The following FGF2 variants were observed in gnomAD, a reference collection of about 807,000 sequenced individuals.
The protein encoded by FGF2 is basic fibroblast growth factor bFGF.
Under a neutral mutation model 15.9 loss-of-function variants are expected in FGF2, and 13 were observed. The observed-to-expected ratio is 0.82, with a 90% CI of 0.53 to 1.30. FGF2 has a LOEUF of 1.30. Ranked by LOEUF, FGF2 falls within the 50% of genes most tolerant of loss-of-function variation. FGF2 has a pLI of 0.00. For synonymous variants in FGF2, 90 were observed against 78.4 expected (o/e 1.15, Z -0.78); for missense variants, 163 against 196.9 (o/e 0.83, Z 1.03).
chr4:122,826,902 C>T lies in FGF2; in HGVS notation c.-273C>T, dbSNP rs756631593. 6.6e-7 allele frequency: 1 copy of T among 1,507,502 alleles called. No individual in the cohort carries two copies. Among genetic ancestry groups the T allele is most frequent in the Non-Finnish European group, 8.8e-7 (1 of 1,130,000 alleles). 93.4% of individuals were successfully genotyped at this position (1,507,502 alleles called of 1,614,324 possible). ...CGCTGCAGCTTGGGAGGCGGCTCTC[C>T]CCAGGCGGCGTCCGCGGAGACACCC... On this transcript the variant is annotated 5_prime_UTR_variant, in exon 1 of 3. Transcript: ENST00000644866.
At position 122,894,958 on chromosome 4, in the gene FGF2, C is replaced by G. The variant is rs1449259178; in HGVS notation, c.*2562C>G. 1 of 152,104 alleles carries G rather than the reference C, an allele frequency of 6.6e-6. No individual in the cohort carries two copies. The highest frequency in any genetic ancestry group is 1.5e-5 in the Non-Finnish European group (1 of 68,028). 9.4% of individuals were successfully genotyped at this position (152,104 alleles called of 1,614,324 possible). A position where few individuals can be genotyped will look rare whatever the true frequency, so the allele number is the denominator to read the frequency against. ...CTCATGATCTATGCTGTTTCTATGTCGTGGAAGCACTGGATGGGGGTAGTG... is the reference window on the plus strand; with the variant it reads ...CTCATGATCTATGCTGTTTCTATGTGGTGGAAGCACTGGATGGGGGTAGTG... On this transcript the variant is annotated 3_prime_UTR_variant, in exon 3 of 3. Transcript: ENST00000644866.
In FGF2 at chr4:122,892,667, T is replaced by C; in HGVS notation, c.*271T>C. On this transcript the variant is annotated 3_prime_UTR_variant, in exon 3 of 3. Coordinates refer to ENST00000644866, the MANE Select transcript of FGF2 (RefSeq NM_001361665.2). The stretch of plus-strand genomic sequence containing the variant: ...GATCTTTTTCACGCATTTGCTTTAT[T>C]CGAAAAGAGGCTTTTAAAATGTGCA... The C allele has an allele frequency of 7.2e-7, 1 of 1,389,718 alleles. No homozygotes were observed. The allele number at this position is 1,389,718 out of a possible 1,614,324, so 86.1% of individuals were successfully genotyped here.
At chr4:122,852,466 C>T (rs1050247164) in intron 1 of FGF2, among the ~76,000 whole-genome samples, 1 of 152,190 alleles carries the variant, frequency 6.6e-6, no homozygotes, top group African/African-American at 2.4e-5. Context: ...AATGTCACAT[C>T]AGTCAACATG....
intron 1 of FGF2, among the ~76,000 whole-genome samples, chr4:122,837,489 A>G (rs1262792213): frequency 6.6e-6 from 1 of 152,190 alleles, no homozygotes; most frequent in East Asian, 1.9e-4. Context: ...CCTGCTATAT[A>G]TCTTTTAATC....
At chr4:122,885,096 C>G (rs1386225846) in intron 2 of FGF2, among the ~76,000 whole-genome samples, 1 of 152,186 alleles carries the variant, frequency 6.6e-6, no homozygotes, top group Non-Finnish European at 1.5e-5. Flanking sequence ...GTCATCTGGT[C>G]TATTTTCCTT....
intron 1 of FGF2, among the ~76,000 whole-genome samples, chr4:122,853,900 G>A (rs143299741): frequency 9.2e-5 from 14 of 152,326 alleles, no homozygotes; most frequent in African/African-American, 3.4e-4. Context: ...AATGGAGAGA[G>A]ATGCAGAATG....
At chr4:122,843,141 A>G (rs1185926622) in intron 1 of FGF2, among the ~76,000 whole-genome samples, 2 of 152,202 alleles carry the variant, frequency 1.3e-5, no homozygotes, top group South Asian at 4.1e-4. Context: ...GGTGTTTTCC[A>G]TGGGACAGTG....
chr4:122,884,824 G>C (rs981442068), intron 2 of FGF2: 4 of 152,348 alleles, frequency 2.6e-5, no homozygotes, highest in African/African-American at 9.7e-5. Flanking sequence ...GGAGGTGCTG[G>C]GGGGATGTGA....
intron 2 of FGF2, among the ~76,000 whole-genome samples, chr4:122,877,603 C>A (rs996733628): frequency 3.9e-5 from 6 of 152,194 alleles, no homozygotes; most frequent in Admixed American, 3.9e-4. Flanking sequence ...AGACAGATCT[C>A]ATTCCTGTCT....
rs1725661913 is a variant in FGF2 at position 122,827,271 on chromosome 4, T to C, written c.97T>C (p.Tyr33His). 1 of 1,612,614 alleles carries C rather than the reference T, an allele frequency of 6.2e-7. No individual in the cohort carries two copies. Among genetic ancestry groups the C allele is most frequent in the Non-Finnish European group, 8.5e-7 (1 of 1,179,840 alleles). The change falls in exon 1 of 3, where the codon TAC (tyrosine) becomes CAC (histidine). Residue 33 changes from tyrosine to histidine, a missense_variant. Transcript: ENST00000644866. The surrounding 1 kb of genome is among the most constrained non-coding windows in gnomAD (Gnocchi z 4.2). ...PGHFKDPKRL[Y>H]CKNGGFFLRI... ...CCACTTCAAGGACCCCAAGCGGCTG[T>C]ACTGCAAAAACGGGGGCTTCTTCCT... is the stretch of plus-strand genomic sequence containing the variant.
At chr4:122,870,910 A>G (rs1339384759) in intron 1 of FGF2, among the ~76,000 whole-genome samples, 1 of 151,628 alleles carries the variant, frequency 6.6e-6, no homozygotes, top group East Asian at 1.9e-4. Flanking sequence ...TTTAATTATG[A>G]TGTTAGGGTG....
chr4:122,857,560 T>C (rs1484643991), intron 1 of FGF2, among the ~76,000 whole-genome samples: 1 of 152,204 alleles, frequency 6.6e-6, no homozygotes, highest in Non-Finnish European at 1.5e-5. Context: ...GTTAGAAGAA[T>C]CAGGAGTCAC....
intron 1 of FGF2, among the ~76,000 whole-genome samples, chr4:122,860,447 CTTTT>C (rs34541038): frequency 1.4e-4 from 13 of 90,914 alleles, no homozygotes; most frequent in Admixed American, 3.4e-4. Context: ...CTAAGGTTAA[CTTTT>C]TTTTTTTTTT....
intron 1 of FGF2, among the ~76,000 whole-genome samples, chr4:122,841,375 A>C (rs769091166): frequency 7.2e-5 from 11 of 152,228 alleles, no homozygotes; most frequent in Non-Finnish European, 1.6e-4. Flanking sequence ...GACACTCCTT[A>C]GTCATGGCAT....
At chr4:122,840,917 G>T (rs1221650339) in intron 1 of FGF2, among the ~76,000 whole-genome samples, 1 of 152,122 alleles carries the variant, frequency 6.6e-6, no homozygotes. Flanking sequence ...GTGGGATACA[G>T]GGTGTTTTTG....
rs1725668067 is a variant in FGF2 at position 122,827,482 on chromosome 4, G to C, written c.178+130G>C. ...AGCGCTCCGTGTGGTTTCTGGCCGC[G>C]CGGCCCTCGGCGGTTTCGGGTTCAC... On this transcript the variant is annotated intron_variant, in intron 1 of 2. Coordinates refer to ENST00000644866, the MANE Select transcript of FGF2 (RefSeq NM_001361665.2). This position sits in a 1 kb window ranked among gnomAD's most constrained non-coding sequence, Gnocchi z 4.2. 5 of 1,061,288 alleles carry C rather than the reference G, an allele frequency of 4.7e-6. No homozygotes were observed. Among genetic ancestry groups the C allele is most frequent in the Non-Finnish European group, 7.0e-6 (5 of 715,290 alleles). The allele number at this position is 1,061,288 out of a possible 1,614,324, so 65.7% of individuals were successfully genotyped here. A position where few individuals can be genotyped will look rare whatever the true frequency, so the allele number is the denominator to read the frequency against.
Position 122,827,005 on chromosome 4 carries a change from C to A in FGF2, c.-170C>A, listed in dbSNP as rs756183320. 4.9e-6 allele frequency: 6 copies of A among 1,228,326 alleles called. No individual in the cohort carries two copies. The South Asian group carries it at 1.9e-4, about 39-fold the overall frequency. The allele number at this position is 1,228,326 out of a possible 1,614,324, so 76.1% of individuals were successfully genotyped here. On this transcript the variant is annotated 5_prime_UTR_variant, in exon 1 of 3. Transcript: ENST00000644866. The surrounding 1 kb of genome is among the most constrained non-coding windows in gnomAD (Gnocchi z 4.2). ...CGGACAGAAGAGCGGCCGAGCGGCT[C>A]GAGGCTGGGGGACCGCGGGCGCGGC...
chr4:122,893,861 A>G lies in FGF2; in HGVS notation c.*1465A>G, dbSNP rs375179461. The G allele has an allele frequency of 3.3e-5, 5 of 152,320 alleles. No homozygotes were observed. In the East Asian group the frequency reaches 9.6e-4, roughly 29 times the overall value. The allele number at this position is 152,320 out of a possible 1,614,324, so 9.4% of individuals were successfully genotyped here. On this transcript the variant is annotated 3_prime_UTR_variant, in exon 3 of 3. Coordinates refer to ENST00000644866, the MANE Select transcript of FGF2 (RefSeq NM_001361665.2). ...TTGTGATGTTCTGTCATTGTCTCCC[A>G]AAGTATTTAGGAGAAGCCCTTTAAA...
chr4:122,856,460 CATGGAAATGGAAGTTACACT>C (rs1168339473), intron 1 of FGF2, among the ~76,000 whole-genome samples: 1 of 152,148 alleles, frequency 6.6e-6, no homozygotes, highest in African/African-American at 2.4e-5. Flanking sequence ...TCTGTTCTAA[CATGGAAATGGAAGTTACACT>C]AAAAGTAATA....
Sources: allele counts gnomAD v4.1 joint callset (sites outside exome capture counted in the v4.1 genomes callset), GRCh38; gene constraint gnomAD v4.1.1; non-coding constraint Gnocchi (gnomAD v3.1); transcripts MANE v1.5; gene names NCBI Gene and HGNC (gene_info 2026-07-23, HGNC 2026-07-21).